The following CNTNAP2 variants were observed in gnomAD, a reference collection of about 807,000 sequenced individuals.
CNTNAP2 encodes contactin associated protein 2, also known as contactin-associated protein-like 2.
A neutral mutation model predicts 155.2 loss-of-function variants in CNTNAP2; 98 were observed. The observed-to-expected ratio is 0.63, with a 90% CI of 0.54 to 0.75. CNTNAP2 has a LOEUF of 0.75. CNTNAP2 is among the 30% of genes least tolerant of loss of function. The probability of loss-of-function intolerance (pLI) is 0.00; values close to 1 mark genes in which losing one functional copy is unlikely to be tolerated. For missense variants in CNTNAP2, 1,727 were observed against 1,688.1 expected (o/e 1.02, Z -0.40); for synonymous variants, 651 against 631.2 (o/e 1.03, Z -0.47).
intron 1 of CNTNAP2, among the ~76,000 whole-genome samples, chr7:146,459,143 A>T (rs1796600391): frequency 6.6e-6 from 1 of 152,134 alleles, no homozygotes; most frequent in South Asian, 2.1e-4. Flanking sequence ...GGCCTGCTTC[A>T]TTTACACCAT....
chr7:147,001,746 G>T (rs925303539), intron 3 of CNTNAP2, among the ~76,000 whole-genome samples: 2 of 151,272 alleles, frequency 1.3e-5, no homozygotes, highest in Non-Finnish European at 2.9e-5. Flanking sequence ...AGGTTCCCCT[G>T]TAACAAAGCT....
chr7:147,351,747 G>A (rs1795971168), intron 9 of CNTNAP2, among the ~76,000 whole-genome samples: 1 of 151,742 alleles, frequency 6.6e-6, no homozygotes, highest in Non-Finnish European at 1.5e-5. Flanking sequence ...GTCTCAGAGT[G>A]TTCTATCACA....
chr7:148,016,649 A>C (rs1034238535), intron 15 of CNTNAP2, among the ~76,000 whole-genome samples: 4 of 152,216 alleles, frequency 2.6e-5, no homozygotes, highest in African/African-American at 9.6e-5. Flanking sequence ...AAATGCTGGA[A>C]AATACAGAGA....
chr7:147,678,158 C>T (rs892840906), intron 13 of CNTNAP2, among the ~76,000 whole-genome samples: 6 of 151,848 alleles, frequency 4.0e-5, no homozygotes, highest in Non-Finnish European at 7.4e-5. Flanking sequence ...ATTTTATAGA[C>T]ATACATTTCC....
At chr7:148,109,889 C>G (rs12532051) in intron 15 of CNTNAP2, among the ~76,000 whole-genome samples, 10,845 of 152,208 alleles carry the variant, frequency 0.071, 480 homozygotes, top group Admixed American at 0.13. Context: ...TTTACTTAAT[C>G]TAAATGGGTT....
Position 147,925,202 on chromosome 7 carries a change from GGAA to G in CNTNAP2, c.2255+21483_2255+21485del, listed in dbSNP as rs1224553088. 7.8e-4 allele frequency among the ~76,000 whole-genome samples: 116 copies of G among 148,540 alleles called. 2 individuals carry two copies. The highest frequency in any genetic ancestry group is 2.7e-3 in the African/African-American group (105 of 39,536). On this transcript the variant is annotated intron_variant, in intron 14 of 23. Transcript: ENST00000361727. ...AGGAAGGAAGGAAGGAAGGAAGGAA[GGAA>G]GGAAAGAAGGAGCAGTTTTAGGTTC...
intron 3 of CNTNAP2, among the ~76,000 whole-genome samples, chr7:146,854,993 A>G (rs1794948494): frequency 1.3e-5 from 2 of 152,204 alleles, no homozygotes; most frequent in Non-Finnish European, 2.9e-5. Context: ...CCATGTCTAT[A>G]ATATCTACCA....
chr7:147,001,363 G>T (rs1193259656), intron 3 of CNTNAP2, among the ~76,000 whole-genome samples: 1 of 151,752 alleles, frequency 6.6e-6, no homozygotes, highest in Admixed American at 6.6e-5. Flanking sequence ...TTTCTATTGG[G>T]CACCTTTAAA....
At chr7:148,107,001 C>T (rs60465337) in intron 15 of CNTNAP2, among the ~76,000 whole-genome samples, 5,620 of 152,042 alleles carry the variant, frequency 0.037, 130 homozygotes, top group African/African-American at 0.046. Flanking sequence ...AAATAATAGC[C>T]CCCCAAATGA....
chr7:148,199,809 A>C (rs60102819), intron 18 of CNTNAP2, among the ~76,000 whole-genome samples: 5,653 of 152,282 alleles, frequency 0.037, 367 homozygotes, highest in African/African-American at 0.13. Flanking sequence ...AAATTGGCTC[A>C]TGTTATTATA....
intron 1 of CNTNAP2, among the ~76,000 whole-genome samples, chr7:146,214,894 G>A (rs1799090117): frequency 6.6e-6 from 1 of 152,092 alleles, no homozygotes; most frequent in Non-Finnish European, 1.5e-5. Flanking sequence ...AACCCTATGT[G>A]ACAGCATCTG....
chr7:147,429,396 G>A (rs1310693251), intron 10 of CNTNAP2, among the ~76,000 whole-genome samples: 1 of 151,812 alleles, frequency 6.6e-6, no homozygotes, highest in Non-Finnish European at 1.5e-5. Flanking sequence ...TGAGAATTGT[G>A]TATTCATGTC....
intron 8 of CNTNAP2, among the ~76,000 whole-genome samples, chr7:147,137,905 A>ATAGG (rs747805066): frequency 1.4e-4 from 19 of 131,146 alleles, no homozygotes; most frequent in Non-Finnish European, 2.9e-4. Flanking sequence ...AGATAGATAG[A>ATAGG]TAGATAGATA....
At chr7:146,942,041 T>C (rs1323778858) in intron 3 of CNTNAP2, among the ~76,000 whole-genome samples, 1 of 152,106 alleles carries the variant, frequency 6.6e-6, no homozygotes, top group African/African-American at 2.4e-5. Context: ...TATCTTTTCC[T>C]GAGTTTGGAA....
chr7:147,398,067 A>G (rs1205035887), intron 10 of CNTNAP2, among the ~76,000 whole-genome samples: 2 of 152,146 alleles, frequency 1.3e-5, no homozygotes, highest in African/African-American at 4.8e-5. Flanking sequence ...AATCTTAAGC[A>G]TGAAGTGTTG....
chr7:146,552,657 A>C (rs1219081430), intron 1 of CNTNAP2, among the ~76,000 whole-genome samples: 1 of 152,056 alleles, frequency 6.6e-6, no homozygotes, highest in Admixed American at 6.6e-5. Context: ...TCTTAGAGTT[A>C]AAATCAAATG....
intron 10 of CNTNAP2, among the ~76,000 whole-genome samples, chr7:147,474,842 G>A (rs936246669): frequency 3.3e-5 from 5 of 152,116 alleles, no homozygotes; most frequent in Admixed American, 2.6e-4. Flanking sequence ...TCTGCCTTAT[G>A]GAGCTGAGGG....
chr7:146,838,797 A>G (rs545935660), intron 2 of CNTNAP2, among the ~76,000 whole-genome samples: 2 of 152,338 alleles, frequency 1.3e-5, no homozygotes, highest in East Asian at 3.9e-4. Flanking sequence ...CCTTATTTAA[A>G]AAATAGTACA....
chr7:147,248,476 G>A (rs956170044), intron 8 of CNTNAP2, among the ~76,000 whole-genome samples: 3 of 152,180 alleles, frequency 2.0e-5, no homozygotes, highest in Non-Finnish European at 4.4e-5. Context: ...GGATTGTCCT[G>A]GGTTAGGGTC....
Sources: allele counts gnomAD v4.1 joint callset (sites outside exome capture counted in the v4.1 genomes callset), GRCh38; gene constraint gnomAD v4.1.1; transcripts MANE v1.5; gene names NCBI Gene and HGNC (gene_info 2026-07-23, HGNC 2026-07-21).